The following LIN52 variants were observed in gnomAD, a reference collection of about 807,000 sequenced individuals.
LIN52 encodes lin-52 DREAM MuvB core complex component, also known as protein lin-52 homolog.
Under a neutral mutation model 18.5 loss-of-function variants are expected in LIN52, and 4 were observed. The ratio of observed to expected loss-of-function variants is 0.22; its 90% CI spans 0.11 to 0.49. The LOEUF is 0.49. Among genes scored for constraint, LIN52 ranks in the 20% least tolerant of loss-of-function variants. The pLI, the probability that LIN52 is intolerant of heterozygous loss-of-function variation, is 0.97. For synonymous variants in LIN52, 34 were observed against 45.5 expected (o/e 0.75, Z 1.02); for missense variants, 102 against 139.5 (o/e 0.73, Z 1.35).
chr14:74,115,961 G>T (rs1215579914), intron 5 of LIN52, among the ~76,000 whole-genome samples: 1 of 152,124 alleles, frequency 6.6e-6, no homozygotes, highest in African/African-American at 2.4e-5. Context: ...AATTTGGATG[G>T]TGTTGGTTTC....
chr14:74,089,412 A>C (rs2139844250), intron 1 of LIN52, among the ~76,000 whole-genome samples: 1 of 148,792 alleles, frequency 6.7e-6, no homozygotes, highest in Non-Finnish European at 1.5e-5. Flanking sequence ...TCTATCACCC[A>C]GGCTGGAGTG....
intron 5 of LIN52, among the ~76,000 whole-genome samples, chr14:74,153,778 A>C (rs2139558203): frequency 6.6e-6 from 1 of 152,280 alleles, no homozygotes; most frequent in African/African-American, 2.4e-5. Context: ...TGCTGACTTC[A>C]GGTGATCCAC....
At chr14:74,085,042 A>T in intron 1 of LIN52, 49 bp downstream of exon 1, 1 of 1,341,578 alleles carries the variant, frequency 7.5e-7, no homozygotes, top group East Asian at 2.8e-5. Context: ...TCTTTGCTCT[A>T]CTGGGAACAT....
Position 74,198,637 on chromosome 14 carries a change from T to G in LIN52, c.284-285T>G, listed in dbSNP as rs79611975. Reference sequence around the variant, plus strand: ...TAGATTCTAGAGACAGAGATAGGTTTTGGGGGAATCCCCTGGTGATTTGTT... The same window carrying G: ...TAGATTCTAGAGACAGAGATAGGTTGTGGGGGAATCCCCTGGTGATTTGTT... On this transcript the variant is annotated intron_variant, in intron 5 of 5. Transcript: ENST00000555028. Among the ~76,000 whole-genome samples the G allele has an allele frequency of 7.7e-3, 1,169 of 152,328 alleles. 28 individuals are homozygous for G. The highest frequency in any genetic ancestry group is 0.073 in the East Asian group (376 of 5,178).
At chr14:74,101,559 C>T (rs1466337552) in intron 5 of LIN52, among the ~76,000 whole-genome samples, 3 of 150,510 alleles carry the variant, frequency 2.0e-5, no homozygotes, top group African/African-American at 7.3e-5. Flanking sequence ...CCCGGGTTCA[C>T]GCCATTCTCC....
In LIN52 at chr14:74,090,307, C is replaced by T. The variant is rs985427415; in HGVS notation, c.20-925C>T. ...GTGCTGGGATTATAGGCATGAGGCA[C>T]CCCACCTGCCCTGGTGTTTTTTGTT... On this transcript the variant is annotated intron_variant, in intron 1 of 5. Coordinates refer to ENST00000555028, the MANE Select transcript of LIN52 (RefSeq NM_001024674.3). 4.6e-5 allele frequency among the ~76,000 whole-genome samples: 7 copies of T among 151,408 alleles called. No homozygotes were observed. The South Asian group carries it at 6.3e-4, about 14-fold the overall frequency.
Position 74,101,079 on chromosome 14 carries a change from G to A in LIN52, c.200-76G>A, listed in dbSNP as rs930837160. ...TTAAGCTTGAAAACTTGTATAACAA[G>A]AGTTCCCAACCCAAGGAAGTTGCTA... On this transcript the variant is annotated intron_variant, in intron 4 of 5. Transcript: ENST00000555028. 16 of 1,156,272 alleles carry A rather than the reference G, an allele frequency of 1.4e-5. No homozygotes were observed. In the African/African-American group the frequency reaches 1.9e-4, roughly 14 times the overall value. 71.6% of individuals were successfully genotyped at this position (1,156,272 alleles called of 1,614,324 possible).
intron 5 of LIN52, among the ~76,000 whole-genome samples, chr14:74,133,014 T>TA (rs549007863): frequency 0.019 from 2,805 of 145,814 alleles, 71 homozygotes; most frequent in African/African-American, 0.062. Context: ...TCCATATCTT[T>TA]AAAAAAAAAA....
chr14:74,129,127 G>A (rs535295003), intron 5 of LIN52, among the ~76,000 whole-genome samples: 2 of 152,250 alleles, frequency 1.3e-5, no homozygotes, highest in African/African-American at 4.8e-5. Context: ...AGTTTGAAAT[G>A]GAGTGAGGAA....
chr14:74,111,046 T>C (rs1289893786), intron 5 of LIN52, among the ~76,000 whole-genome samples: 1 of 152,210 alleles, frequency 6.6e-6, no homozygotes, highest in Admixed American at 6.5e-5. Flanking sequence ...AAGTTATCTA[T>C]ACAACTTTAC....
In LIN52 at chr14:74,175,375, A is replaced by G. The variant is rs141916713; in HGVS notation, c.284-23547A>G. ...ATAATCTCAGCACTTTGGGAGGCCA[A>G]GGTGGGAGGATCAGTGAGCTGAGGA... On this transcript the variant is annotated intron_variant, in intron 5 of 5. Transcript: ENST00000555028. Among the ~76,000 whole-genome samples the G allele has an allele frequency of 2.0e-5, 3 of 151,990 alleles. No individual in the cohort carries two copies. In the East Asian group the frequency reaches 5.8e-4, roughly 30 times the overall value.
chr14:74,134,519 A>G (rs1421335449), intron 5 of LIN52, among the ~76,000 whole-genome samples: 1 of 152,208 alleles, frequency 6.6e-6, no homozygotes, highest in Non-Finnish European at 1.5e-5. Context: ...TGAAACTTGA[A>G]TTGATATGGT....
chr14:74,111,502 G>T (rs1232682742), intron 5 of LIN52, among the ~76,000 whole-genome samples: 1 of 149,720 alleles, frequency 6.7e-6, no homozygotes, highest in African/African-American at 2.5e-5. Context: ...GGGTCTCCCT[G>T]TGTTGCCCAG....
chr14:74,089,501 G>T (rs2060757871), intron 1 of LIN52, among the ~76,000 whole-genome samples: 1 of 151,598 alleles, frequency 6.6e-6, no homozygotes, highest in South Asian at 2.1e-4. Flanking sequence ...CCAAGTAGCT[G>T]GGACTACAGG....
intron 5 of LIN52, among the ~76,000 whole-genome samples, chr14:74,152,959 C>CAAAAA (rs1189515836): frequency 1.2e-4 from 5 of 41,524 alleles, no homozygotes; most frequent in Middle Eastern, 0.016. Flanking sequence ...GACTCTGTCT[C>CAAAAA]AAAAAAAAAA....
chr14:74,194,677 G>A (rs575790210), intron 5 of LIN52, among the ~76,000 whole-genome samples: 1 of 152,240 alleles, frequency 6.6e-6, no homozygotes, highest in African/African-American at 2.4e-5. Flanking sequence ...ATCTATGTAC[G>A]ACATAATAGG....
chr14:74,121,246 C>T (rs773480561), intron 5 of LIN52, among the ~76,000 whole-genome samples: 9 of 152,196 alleles, frequency 5.9e-5, no homozygotes, highest in Non-Finnish European at 1.2e-4. Flanking sequence ...CCTGTCCCCA[C>T]CCAAACAACT....
At chr14:74,086,676 A>G (rs1437730167) in intron 1 of LIN52, among the ~76,000 whole-genome samples, 2 of 152,096 alleles carry the variant, frequency 1.3e-5, no homozygotes, top group African/African-American at 4.8e-5. Flanking sequence ...AAGGAAAAAA[A>G]AAGAAATTAT....
chr14:74,092,823 A>T (rs1406426072), intron 2 of LIN52, among the ~76,000 whole-genome samples: 1 of 151,654 alleles, frequency 6.6e-6, no homozygotes, highest in Non-Finnish European at 1.5e-5. Context: ...AGGCTAAGGC[A>T]CGAGAATTGC....
Sources: allele counts gnomAD v4.1 joint callset (sites outside exome capture counted in the v4.1 genomes callset), GRCh38; gene constraint gnomAD v4.1.1; transcripts MANE v1.5; gene names NCBI Gene and HGNC (gene_info 2026-07-23, HGNC 2026-07-21).